C11orf65: variants seen among roughly 807,000 people sequenced by gnomAD.
C11orf65 encodes the protein chromosome 11 open reading frame 65.
Under a neutral mutation model 35.3 loss-of-function variants are expected in C11orf65, and 38 were observed. The observed-to-expected ratio is 1.08, with a 90% CI of 0.83 to 1.41. The LOEUF (loss-of-function observed/expected upper bound fraction) is 1.41, where lower values mean the gene tolerates loss of function less well. Ranked by LOEUF, C11orf65 falls within the 40% of genes most tolerant of loss-of-function variation. C11orf65 has a pLI of 0.00. For missense variants in C11orf65, 370 were observed against 367.1 expected, an observed-to-expected ratio of 1.01 and a Z score of -0.06; for synonymous variants, 105 against 114.4, an observed-to-expected ratio of 0.92 and a Z score of 0.53.
chr11:108,382,491 C>T (rs2091885648), downstream of C11orf65, among the ~76,000 whole-genome samples: 5 of 151,916 alleles, frequency 3.3e-5, no homozygotes, highest in Admixed American at 3.3e-4. Context: ...ATAACTATGA[C>T]ATAAAATAGG....
intron 2 of C11orf65, among the ~76,000 whole-genome samples, chr11:108,439,921 A>G (rs1226368319): frequency 6.6e-6 from 1 of 152,224 alleles, no homozygotes; most frequent in African/African-American, 2.4e-5. Context: ...TACTTAATGT[A>G]ATTGAGTTAT....
At chr11:108,362,838 T>A (rs1280869983) in intron 2 of C11orf65, among the ~76,000 whole-genome samples, 1 of 148,364 alleles carries the variant, frequency 6.7e-6, no homozygotes, top group African/African-American at 2.5e-5. Flanking sequence ...TTGGGAGATA[T>A]ACCTAATGCT....
At chr11:108,452,832 G>A (rs2093366032) in intron 2 of C11orf65, among the ~76,000 whole-genome samples, 1 of 152,010 alleles carries the variant, frequency 6.6e-6, no homozygotes, top group African/African-American at 2.4e-5. Flanking sequence ...ATAAAAGGAT[G>A]AGTTCATGTC....
intron 3 of C11orf65, chr11:108,331,766 C>G (rs532289002): frequency 4.4e-6 from 6 of 1,361,986 alleles, no homozygotes; most frequent in African/African-American, 4.3e-5. Context: ...CATACACGCT[C>G]TACCCACTGC....
chr11:108,342,014 A>G (rs777693884), intron 2 of C11orf65, among the ~76,000 whole-genome samples: 6 of 152,184 alleles, frequency 3.9e-5, no homozygotes, highest in Non-Finnish European at 7.3e-5. Context: ...TGCAGGCCAC[A>G]TGCAGCCTAC....
intron 1 of C11orf65, among the ~76,000 whole-genome samples, chr11:108,466,180 C>A (rs7943063): frequency 0.4 from 60,126 of 151,920 alleles, 12,460 homozygotes; most frequent in Middle Eastern, 0.65. Context: ...GGGACCGTTG[C>A]TGGCTTTAGA....
intron 2 of C11orf65, among the ~76,000 whole-genome samples, chr11:108,364,633 T>C (rs1358817559): frequency 6.6e-6 from 1 of 152,160 alleles, no homozygotes; most frequent in African/African-American, 2.4e-5. Flanking sequence ...CTGATAAAAC[T>C]ATTGGAGAAG....
chr11:108,387,634 C>T (rs557835623), intron 7 of C11orf65, among the ~76,000 whole-genome samples: 59 of 151,794 alleles, frequency 3.9e-4, no homozygotes, highest in African/African-American at 1.2e-3. Flanking sequence ...CTCAAGTGAT[C>T]CTCCTGCCTC....
At chr11:108,442,486 T>C (rs2093171086) in intron 2 of C11orf65, among the ~76,000 whole-genome samples, 1 of 152,120 alleles carries the variant, frequency 6.6e-6, no homozygotes. Flanking sequence ...GCCACAAAGA[T>C]ACTCCTCGAG....
chr11:108,399,383 C>T (rs2092392488), intron 6 of C11orf65, among the ~76,000 whole-genome samples: 1 of 152,204 alleles, frequency 6.6e-6, no homozygotes, highest in South Asian at 2.1e-4. Context: ...GAGATCCCTA[C>T]CTCAGGCTTT....
chr11:108,337,422 G>T (rs190060322), intron 2 of C11orf65, among the ~76,000 whole-genome samples: 1 of 152,196 alleles, frequency 6.6e-6, no homozygotes, highest in African/African-American at 2.4e-5. Flanking sequence ...TCTTTGATGT[G>T]GTTAAGATCA....
rs932163917 is a variant in C11orf65 at position 108,362,716 on chromosome 11, G to A, written c.227-27424C>T. Among the ~76,000 whole-genome samples, 23 of 142,358 alleles carry A rather than the reference G, an allele frequency of 1.6e-4. No individual in the cohort carries two copies. The South Asian group carries it at 3.9e-3, about 24-fold the overall frequency. 93.4% of individuals were successfully genotyped at this position (142,358 alleles called of 152,430 possible). A position where few individuals can be genotyped will look rare whatever the true frequency, so the allele number is the denominator to read the frequency against. The stretch of plus-strand genomic sequence containing the variant: ...TCGCAAGAACAAAAAACCAAACACC[G>A]CATATTCTCACTCATAGGTGGGAAT... On this transcript the variant is annotated intron_variant, in intron 2 of 3. Transcript: ENST00000524755.
intron 6 of C11orf65, among the ~76,000 whole-genome samples, chr11:108,396,533 T>A (rs2092311220): frequency 6.6e-6 from 1 of 152,118 alleles, no homozygotes; most frequent in Admixed American, 6.6e-5. Context: ...TTTGAACTCT[T>A]TTAAAATGTT....
chr11:108,410,419 T>C (rs1402396723), intron 3 of C11orf65, among the ~76,000 whole-genome samples: 3 of 152,216 alleles, frequency 2.0e-5, no homozygotes, highest in Non-Finnish European at 4.4e-5. Flanking sequence ...AGTGGCACCA[T>C]CATGGTTCAA....
At chr11:108,407,371 G>T (rs1741988718) in intron 3 of C11orf65, among the ~76,000 whole-genome samples, 1 of 152,002 alleles carries the variant, frequency 6.6e-6, no homozygotes, top group African/African-American at 2.4e-5. Flanking sequence ...GAGTGCGGTG[G>T]CATGATCTCA....
At chr11:108,436,662 G>C (rs190456688) in intron 2 of C11orf65, among the ~76,000 whole-genome samples, 4 of 152,230 alleles carry the variant, frequency 2.6e-5, no homozygotes, top group Admixed American at 1.3e-4. Context: ...ATGACATATA[G>C]ACACATCATA....
At chr11:108,354,248 A>C (rs1458736781) in intron 2 of C11orf65, among the ~76,000 whole-genome samples, 1 of 152,168 alleles carries the variant, frequency 6.6e-6, no homozygotes, top group African/African-American at 2.4e-5. Flanking sequence ...CCCATGTAAC[A>C]TACATACTGT....
At position 108,347,238 on chromosome 11, in the gene C11orf65, G is replaced by A. The variant is rs762392644; in HGVS notation, c.227-11946C>T. On this transcript the variant is annotated intron_variant, in intron 2 of 3. Transcript: ENST00000524755. The stretch of plus-strand genomic sequence containing the variant: ...TTATGGCTATATATTAGAAAGAGAT[G>A]GAATCAGTGATTTCAGATTGTTTGT... 7.2e-6 allele frequency: 10 copies of A among 1,380,322 alleles called. No homozygotes were observed. The Admixed American group carries it at 1.5e-4, about 21-fold the overall frequency. 85.5% of individuals were successfully genotyped at this position (1,380,322 alleles called of 1,614,324 possible).
intron 2 of C11orf65, among the ~76,000 whole-genome samples, chr11:108,369,479 T>C (rs772537344): frequency 1.7e-4 from 26 of 152,210 alleles, no homozygotes; most frequent in Non-Finnish European, 3.5e-4. Flanking sequence ...TACCTGTTTA[T>C]CATATTTTTA....
Sources: allele counts gnomAD v4.1 joint callset (sites outside exome capture counted in the v4.1 genomes callset), GRCh38; gene constraint gnomAD v4.1.1; transcripts MANE v1.5; gene names NCBI Gene and HGNC (gene_info 2026-07-23, HGNC 2026-07-21).